The following TNS3 variants were observed in gnomAD, a reference collection of about 807,000 sequenced individuals.
The protein encoded by TNS3 is tensin 3.
In TNS3, 45 loss-of-function variants were observed where a neutral mutation model predicts 140.9. The ratio of observed to expected loss-of-function variants is 0.32; its 90% confidence interval spans 0.25 to 0.41. TNS3 has a LOEUF of 0.41. Ranked by LOEUF, TNS3 falls within the 10% of genes least tolerant of loss-of-function variation. The pLI, the probability that TNS3 is intolerant of heterozygous loss-of-function variation, is 1.00. For missense variants in TNS3, 1,716 were observed against 1,906.7 expected (o/e 0.90, Z 1.86); for synonymous variants, 815 against 788.4 (o/e 1.03, Z -0.56).
At chr7:47,360,858 C>T (rs1208531558) in intron 17 of TNS3, among the ~76,000 whole-genome samples, 3 of 152,192 alleles carry the variant, frequency 2.0e-5, no homozygotes, top group African/African-American at 4.8e-5. Flanking sequence ...TCAGTTATAA[C>T]ACACAGTACG....
intron 1 of TNS3, among the ~76,000 whole-genome samples, chr7:47,568,641 G>T (rs957332585): frequency 6.6e-6 from 1 of 152,250 alleles, no homozygotes; most frequent in Non-Finnish European, 1.5e-5. Context: ...CCACTCTGCG[G>T]TGTGCATCTT....
At chr7:47,377,363 G>A (rs961420803) in intron 16 of TNS3, among the ~76,000 whole-genome samples, 1 of 152,150 alleles carries the variant, frequency 6.6e-6, no homozygotes, top group East Asian at 1.9e-4. Context: ...CAAAGGGCTC[G>A]ACTGTACGAC....
chr7:47,334,153 A>G (rs911525728), intron 20 of TNS3, among the ~76,000 whole-genome samples: 2 of 152,112 alleles, frequency 1.3e-5, no homozygotes, highest in South Asian at 2.1e-4. Context: ...ACCACTTCAC[A>G]TGCTACCACT....
At chr7:47,316,747 C>T (rs1235572015) in intron 20 of TNS3, among the ~76,000 whole-genome samples, 6 of 138,618 alleles carry the variant, frequency 4.3e-5, no homozygotes, top group Non-Finnish European at 9.1e-5. Flanking sequence ...CACTGCACTC[C>T]AGCCTGGGCA....
At chr7:47,472,177 G>A (rs1009874033) in intron 4 of TNS3, among the ~76,000 whole-genome samples, 1 of 152,196 alleles carries the variant, frequency 6.6e-6, no homozygotes, top group African/African-American at 2.4e-5. Flanking sequence ...ACCCAGTCAT[G>A]GAAATCAGGC....
intron 1 of TNS3, among the ~76,000 whole-genome samples, chr7:47,571,463 T>C (rs566495423): frequency 5.3e-5 from 8 of 152,256 alleles, no homozygotes; most frequent in African/African-American, 1.9e-4. Flanking sequence ...TTCCTCTTGT[T>C]TGCTCAAAGC....
At chr7:47,579,991 A>T (rs1209389151) in intron 1 of TNS3, 1 of 210,328 alleles carries the variant, frequency 4.8e-6, no homozygotes, top group African/African-American at 2.4e-5. Context: ...TTAGGTGCCA[A>T]AGAGACACTT....
At chr7:47,510,431 G>A (rs1798567785) in intron 2 of TNS3, among the ~76,000 whole-genome samples, 1 of 152,090 alleles carries the variant, frequency 6.6e-6, no homozygotes, top group Non-Finnish European at 1.5e-5. Context: ...CTTCTCAGGG[G>A]ATGTCATTTT....
chr7:47,493,965 T>G (rs905835355), intron 3 of TNS3, among the ~76,000 whole-genome samples: 1 of 152,268 alleles, frequency 6.6e-6, no homozygotes, highest in African/African-American at 2.4e-5. Context: ...GCATATTTCA[T>G]GAAACCCAAA....
At chr7:47,518,559 A>C (rs877587) in intron 2 of TNS3, among the ~76,000 whole-genome samples, 45,123 of 152,076 alleles carry the variant, frequency 0.3, 6,989 homozygotes, top group East Asian at 0.4. Flanking sequence ...CCAGGCACAG[A>C]GGCCGACGCC....
chr7:47,278,321 G>T, intron 30 of TNS3, 101 bp from the exon 31 acceptor site: 1 of 1,398,184 alleles, frequency 7.2e-7, no homozygotes, highest in Non-Finnish European at 9.5e-7. Flanking sequence ...AATTTTAAGT[G>T]GCACCTATCA....
intron 1 of TNS3, among the ~76,000 whole-genome samples, chr7:47,553,858 G>A (rs1018037127): frequency 2.6e-5 from 4 of 151,520 alleles, no homozygotes; most frequent in South Asian, 2.1e-4. Context: ...GTGCAATCTC[G>A]GCTAACTGCA....
rs1562814480 is a variant in TNS3 at position 47,506,901 on chromosome 7, G to A, written c.-115+6C>T. 7.8e-7 allele frequency: 1 copy of A among 1,289,226 alleles called. No individual in the cohort carries two copies. The highest frequency in any genetic ancestry group is 2.3e-5 in the Admixed American group (1 of 43,470). The allele number at this position is 1,289,226 out of a possible 1,614,324, so 79.9% of individuals were successfully genotyped here. A position where few individuals can be genotyped will look rare whatever the true frequency, so the allele number is the denominator to read the frequency against. ...AAGTCCCATGGGAAAGCAACGGAAT[G>A]CTTACCTTGGCTTCACATTTCTTGT... On this transcript the variant is annotated splice_donor_region_variant and intron_variant, in intron 3 of 30. Transcript: ENST00000311160.
chr7:47,510,752 G>A (rs939641337), intron 2 of TNS3, among the ~76,000 whole-genome samples: 5 of 150,690 alleles, frequency 3.3e-5, no homozygotes, highest in Admixed American at 1.3e-4. Context: ...ATGCATGTCT[G>A]TAATCCCAGC....
rs1457620682 is a variant in TNS3 at position 47,564,639 on chromosome 7, AAAAAAAAAAAC to A, written c.-265+17401_-265+17411del. Among the ~76,000 whole-genome samples the A allele has an allele frequency of 1.8e-3, 86 of 47,828 alleles. 1 individual carries two copies. Among genetic ancestry groups the A allele is most frequent in the East Asian group, 0.013 (16 of 1,264 alleles). 31.4% of individuals were successfully genotyped at this position (47,828 alleles called of 152,430 possible). ...CAACAGAGCAAGACTCCGTCTCAAA[AAAAAAAAAAAC>A]AAAAAAAAACAAAAAAAGACTGCAA... On this transcript the variant is annotated intron_variant, in intron 1 of 30. Transcript: ENST00000311160.
intron 4 of TNS3, among the ~76,000 whole-genome samples, chr7:47,450,049 C>A (rs1326412803): frequency 2.0e-5 from 3 of 152,120 alleles, no homozygotes; most frequent in African/African-American, 7.2e-5. Context: ...CCTCTGGGGC[C>A]GCACTCTGCA....
intron 10 of TNS3, 112 bp downstream of exon 10, chr7:47,423,989 G>A (rs1794513294): frequency 5.5e-6 from 6 of 1,090,652 alleles, no homozygotes; most frequent in South Asian, 1.4e-5. Context: ...CATGACCCAA[G>A]AATACTATTC....
intron 4 of TNS3, among the ~76,000 whole-genome samples, chr7:47,480,133 C>A (rs558183908): frequency 6.6e-6 from 1 of 152,364 alleles, no homozygotes; most frequent in South Asian, 2.1e-4. Flanking sequence ...TTAGCCAGTT[C>A]CATGTCTGGA....
At chr7:47,302,087 G>A (rs987658229) in intron 23 of TNS3, 99 bp downstream of exon 23, 29 of 965,362 alleles carry the variant, frequency 3.0e-5, no homozygotes, top group African/African-American at 4.9e-5. Context: ...TGAAGGCCAC[G>A]GCTGCCCGAT....
Sources: allele counts gnomAD v4.1 joint callset (sites outside exome capture counted in the v4.1 genomes callset), GRCh38; gene constraint gnomAD v4.1.1; transcripts MANE v1.5; gene names NCBI Gene and HGNC (gene_info 2026-07-23, HGNC 2026-07-21).